The following CPPED1 variants were observed in gnomAD, a reference collection of about 807,000 sequenced individuals.
CPPED1 encodes the protein calcineurin like phosphoesterase domain containing 1, also known as serine/threonine-protein phosphatase CPPED1.
Under a neutral mutation model 28.0 loss-of-function variants are expected in CPPED1, and 28 were observed. That is an observed-to-expected ratio of 1.00 (90% confidence interval 0.74 to 1.37). CPPED1 has a LOEUF of 1.37. Ranked by LOEUF, CPPED1 falls within the 40% of genes most tolerant of loss-of-function variation. The pLI, the probability that CPPED1 is intolerant of heterozygous loss-of-function variation, is 0.00. For missense variants in CPPED1, 504 were observed against 416.5 expected (o/e 1.21, Z -1.83); for synonymous variants, 198 against 180.2 (o/e 1.10, Z -0.79).
chr16:12,734,804 A>C (rs897428524), intron 2 of CPPED1, among the ~76,000 whole-genome samples: 1 of 152,190 alleles, frequency 6.6e-6, no homozygotes, highest in African/African-American at 2.4e-5. Flanking sequence ...CCACAGGAAC[A>C]CAGGACACCA....
intron 2 of CPPED1, among the ~76,000 whole-genome samples, chr16:12,724,935 T>A (rs2080162134): frequency 1.3e-5 from 2 of 151,924 alleles, no homozygotes; most frequent in Non-Finnish European, 2.9e-5. Context: ...TACAGGCACC[T>A]GCCACCACGC....
At chr16:12,755,223 T>C (rs1187860647) in intron 2 of CPPED1, among the ~76,000 whole-genome samples, 2 of 151,994 alleles carry the variant, frequency 1.3e-5, no homozygotes, top group African/African-American at 2.4e-5. Flanking sequence ...GTGATGCTCA[T>C]GTATTAATCA....
At chr16:12,750,396 G>A (rs2080319853) in intron 2 of CPPED1, among the ~76,000 whole-genome samples, 1 of 152,132 alleles carries the variant, frequency 6.6e-6, no homozygotes, top group Non-Finnish European at 1.5e-5. Context: ...CCAGTATAGG[G>A]TTAGTAAGTG....
Position 12,704,719 on chromosome 16 carries a change from G to C in CPPED1, c.620C>G (p.Pro207Arg), listed in dbSNP as rs780178007. ...CQHAIVFQHI[P>R]LFLESIDEDD... Reference sequence around the variant, plus strand: ...CTCGTCGATGCTCTCCAGGAACAGCGGGATGTGCTGGAAGACGATGGCATG... The same window carrying C: ...CTCGTCGATGCTCTCCAGGAACAGCCGGATGTGCTGGAAGACGATGGCATG... Residue 207 changes from proline (P) to arginine (R), a missense_variant, in exon 3 of 4, where the codon CCG (proline) becomes CGG (arginine). By Grantham distance (103) the Pro-to-Arg change is moderately radical. Transcript: ENST00000381774. 1 of 1,614,190 alleles carries C rather than the reference G, an allele frequency of 6.2e-7. No individual in the cohort carries two copies. Among genetic ancestry groups the C allele is most frequent in the Admixed American group, 1.7e-5 (1 of 60,018 alleles).
chr16:12,783,460 C>G (rs895316113), intron 1 of CPPED1, among the ~76,000 whole-genome samples: 4 of 152,050 alleles, frequency 2.6e-5, no homozygotes, highest in Non-Finnish European at 5.9e-5. Flanking sequence ...AATCATGCCA[C>G]TGCACTCCAG....
intron 2 of CPPED1, among the ~76,000 whole-genome samples, chr16:12,750,912 G>A (rs1391612451): frequency 2.0e-5 from 3 of 151,934 alleles, no homozygotes. Context: ...AGGTTGCAGC[G>A]AGCCAAGACT....
intron 3 of CPPED1, among the ~76,000 whole-genome samples, chr16:12,691,978 AAAC>A (rs201233316): frequency 4.0e-5 from 6 of 149,028 alleles, no homozygotes; most frequent in African/African-American, 1.5e-4. Context: ...AATAAAAAAA[AAAC>A]AAAAACAACA....
chr16:12,679,630 G>A (rs760854806), intron 3 of CPPED1, among the ~76,000 whole-genome samples: 21 of 152,010 alleles, frequency 1.4e-4, no homozygotes, highest in Non-Finnish European at 2.8e-4. Context: ...TTATATATTC[G>A]ACAATGTATC....
intron 2 of CPPED1, among the ~76,000 whole-genome samples, chr16:12,739,931 A>C (rs2080245521): frequency 6.6e-6 from 1 of 152,224 alleles, no homozygotes; most frequent in African/African-American, 2.4e-5. Flanking sequence ...AAATAACAAG[A>C]AATTGGCAGA....
chr16:12,769,511 G>A (rs1385885952), intron 2 of CPPED1, among the ~76,000 whole-genome samples: 3 of 152,072 alleles, frequency 2.0e-5, no homozygotes, highest in South Asian at 2.1e-4. Flanking sequence ...GTGGAAGGGC[G>A]ATCACACACC....
intron 3 of CPPED1, among the ~76,000 whole-genome samples, chr16:12,668,558 T>C (rs375994160): frequency 2.4e-4 from 37 of 152,260 alleles, no homozygotes; most frequent in African/African-American, 8.2e-4. Flanking sequence ...AGACAACCCA[T>C]GGAATGGGCA....
intron 1 of CPPED1, among the ~76,000 whole-genome samples, chr16:12,790,741 C>T (rs1325673072): frequency 6.6e-6 from 1 of 151,650 alleles, no homozygotes; most frequent in East Asian, 1.9e-4. Flanking sequence ...CCATCCTGGC[C>T]AACATGGTGA....
chr16:12,798,406 A>C (rs2080639791), intron 1 of CPPED1, among the ~76,000 whole-genome samples: 2 of 152,232 alleles, frequency 1.3e-5, no homozygotes, highest in African/African-American at 4.8e-5. Context: ...TTAAAACCAC[A>C]ATATTTTCAA....
intron 2 of CPPED1, among the ~76,000 whole-genome samples, chr16:12,762,371 T>C (rs763836017): frequency 2.6e-5 from 4 of 152,224 alleles, no homozygotes; most frequent in Non-Finnish European, 5.9e-5. Flanking sequence ...AGGGCAAGAA[T>C]CTAATTTCCA....
intron 2 of CPPED1, among the ~76,000 whole-genome samples, chr16:12,720,051 C>A (rs936388146): frequency 6.6e-6 from 1 of 152,040 alleles, no homozygotes; most frequent in Non-Finnish European, 1.5e-5. Flanking sequence ...TTTTATCAGG[C>A]CATTATTAAA....
At chr16:12,694,109 G>A (rs886636803) in intron 3 of CPPED1, among the ~76,000 whole-genome samples, 10 of 152,136 alleles carry the variant, frequency 6.6e-5, no homozygotes, top group African/African-American at 2.4e-4. Context: ...GGGAGGCTGA[G>A]GCAGGAGAAT....
At chr16:12,680,407 A>G (rs1436500304) in intron 3 of CPPED1, among the ~76,000 whole-genome samples, 1 of 152,154 alleles carries the variant, frequency 6.6e-6, no homozygotes, top group East Asian at 1.9e-4. Context: ...CCACACTGCT[A>G]TGTAAAATCT....
intron 1 of CPPED1, among the ~76,000 whole-genome samples, chr16:12,799,584 G>C (rs1596490374): frequency 6.6e-6 from 1 of 152,238 alleles, no homozygotes; most frequent in Admixed American, 6.5e-5. Flanking sequence ...GTCTGCCCAA[G>C]GGGCAAATCT....
intron 2 of CPPED1, among the ~76,000 whole-genome samples, chr16:12,716,783 T>C (rs1359247935): frequency 6.6e-6 from 1 of 152,242 alleles, no homozygotes; most frequent in Non-Finnish European, 1.5e-5. Context: ...CTACCCACTG[T>C]GTGCTAGGTA....
Sources: allele counts gnomAD v4.1 joint callset (sites outside exome capture counted in the v4.1 genomes callset), GRCh38; gene constraint gnomAD v4.1.1; transcripts MANE v1.5; gene names NCBI Gene and HGNC (gene_info 2026-07-23, HGNC 2026-07-21).